The following PAPOLA variants were observed in gnomAD, a reference collection of about 807,000 sequenced individuals.
PAPOLA encodes polynucleotide adenylyltransferase alpha.
PAPOLA carries 15 observed loss-of-function variants against 100.6 expected under a neutral mutation model. That is an observed-to-expected ratio of 0.15 (90% CI 0.10 to 0.23). PAPOLA has a LOEUF of 0.23. Ranked by LOEUF, PAPOLA falls within the 10% of genes least tolerant of loss-of-function variation. PAPOLA has a pLI of 1.00. For synonymous variants in PAPOLA, 293 were observed against 300.0 expected (o/e 0.98, Z 0.24); for missense variants, 533 against 884.2 (o/e 0.60, Z 5.04).
At chr14:96,510,472 C>T (rs1310530156) in intron 1 of PAPOLA, among the ~76,000 whole-genome samples, 1 of 148,082 alleles carries the variant, frequency 6.8e-6, no homozygotes, top group Non-Finnish European at 1.5e-5. Flanking sequence ...AGGGACACAA[C>T]ACACACGCGC....
intron 1 of PAPOLA, among the ~76,000 whole-genome samples, chr14:96,505,837 A>G (rs1055120519): frequency 1.3e-5 from 2 of 152,202 alleles, no homozygotes; most frequent in Admixed American, 6.5e-5. Flanking sequence ...CATAGGAACA[A>G]TCAAGGCAGA....
intron 12 of PAPOLA, among the ~76,000 whole-genome samples, chr14:96,539,087 T>C (rs1399416548): frequency 6.6e-6 from 1 of 152,134 alleles, no homozygotes; most frequent in East Asian, 1.9e-4. Context: ...GAAAACAGTT[T>C]TTTAAATGCC....
chr14:96,511,517 C>T (rs999584917), intron 1 of PAPOLA, among the ~76,000 whole-genome samples: 2 of 152,112 alleles, frequency 1.3e-5, no homozygotes, highest in African/African-American at 2.4e-5. Flanking sequence ...TACGCCTCTC[C>T]TTTCCGATCA....
In PAPOLA at chr14:96,566,022, G is replaced by C. The variant is rs1050728542; in HGVS notation, c.*972G>C. 5.0e-6 allele frequency: 2 copies of C among 396,988 alleles called. No individual in the cohort carries two copies. The highest frequency in any genetic ancestry group is 2.1e-5 in the African/African-American group (1 of 48,552). The allele number at this position is 396,988 out of a possible 1,614,324, so 24.6% of individuals were successfully genotyped here. ...AATTTTGGTCCCATGGCTGAAACTT[G>C]AGGGTGACTAAAAGTAATGCCTGTG... is the stretch of plus-strand genomic sequence containing the variant. On this transcript the variant is annotated 3_prime_UTR_variant, in exon 22 of 22. Transcript: ENST00000216277.
chr14:96,549,518 G>A (rs956320731), intron 16 of PAPOLA, among the ~76,000 whole-genome samples: 1 of 152,104 alleles, frequency 6.6e-6, no homozygotes, highest in Admixed American at 6.5e-5. Context: ...AAAGTGCTGG[G>A]ATTACAGGTG....
intron 7 of PAPOLA, chr14:96,531,826 C>T (rs917635702): frequency 2.8e-6 from 4 of 1,407,548 alleles, no homozygotes; most frequent in Admixed American, 6.6e-5. Flanking sequence ...TTAAAAAGAC[C>T]ATCTGACTTT....
intron 9 of PAPOLA, chr14:96,534,260 G>A: frequency 7.4e-7 from 1 of 1,343,360 alleles, no homozygotes; most frequent in Non-Finnish European, 9.5e-7. Flanking sequence ...GAGTGGCAGA[G>A]AACGTTTTTG....
At chr14:96,527,366 G>A (rs1898579435) in intron 4 of PAPOLA, 64 bp from the exon 5 acceptor site, 2 of 953,670 alleles carry the variant, frequency 2.1e-6, no homozygotes, top group African/African-American at 1.6e-5. Flanking sequence ...ATACTACCAT[G>A]ATAGGATGCA....
chr14:96,541,106 G>T (rs1218538799), intron 12 of PAPOLA, among the ~76,000 whole-genome samples: 1 of 152,104 alleles, frequency 6.6e-6, no homozygotes, highest in Non-Finnish European at 1.5e-5. Context: ...AGCCAGGATG[G>T]TCTCATCTCC....
At chr14:96,532,122 G>C (rs951032485) in intron 7 of PAPOLA, 2 of 1,368,302 alleles carry the variant, frequency 1.5e-6, no homozygotes, top group Non-Finnish European at 9.4e-7. Flanking sequence ...TACAATAGGA[G>C]ATAAATGCTT....
chr14:96,537,110 T>C lies in PAPOLA; in HGVS notation c.1115+50T>C, dbSNP rs769970289. The C allele has an allele frequency of 7.3e-6, 7 of 958,788 alleles. 1 individual carries two copies. Among genetic ancestry groups the C allele is most frequent in the Non-Finnish European group, 1.2e-5 (7 of 583,898 alleles). 59.4% of individuals were successfully genotyped at this position (958,788 alleles called of 1,614,324 possible). On this transcript the variant is annotated intron_variant, in intron 12 of 21. Transcript: ENST00000216277. Reference sequence around the variant, plus strand: ...CATGTTGCTCTCTTAAGTAATGGTTTAATGGTAGCACATTATGACATTTCT... The same window carrying C: ...CATGTTGCTCTCTTAAGTAATGGTTCAATGGTAGCACATTATGACATTTCT...
chr14:96,565,132 C>T lies in PAPOLA; in HGVS notation c.*82C>T. On this transcript the variant is annotated 3_prime_UTR_variant, in exon 22 of 22. Transcript: ENST00000216277. ...TGCTAAAAAAGGAGAATGGAGGGTA[C>T]AAGACTAGACATGACTGAAATGGAT... is the stretch of plus-strand genomic sequence containing the variant. The T allele has an allele frequency of 1.3e-6, 1 of 784,762 alleles. No individual in the cohort carries two copies. Among genetic ancestry groups the T allele is most frequent in the East Asian group, 2.5e-5 (1 of 40,308 alleles). The allele number at this position is 784,762 out of a possible 1,614,324, so 48.6% of individuals were successfully genotyped here.
At chr14:96,525,842 T>G (rs1026928624) in intron 4 of PAPOLA, 1 of 153,412 alleles carries the variant, frequency 6.5e-6, no homozygotes, top group Admixed American at 6.5e-5. Flanking sequence ...GGCTAGTCGT[T>G]ACTGCATTGG....
chr14:96,542,194 C>T (rs1490160785), intron 12 of PAPOLA, 49 bp from the exon 13 acceptor site: 1 of 1,178,132 alleles, frequency 8.5e-7, no homozygotes, highest in Admixed American at 1.8e-5. Flanking sequence ...TAATATCCAG[C>T]ACAAAGCGTG....
intron 1 of PAPOLA, among the ~76,000 whole-genome samples, chr14:96,511,129 A>G (rs571817465): frequency 6.6e-6 from 1 of 152,360 alleles, no homozygotes; most frequent in Admixed American, 6.5e-5. Flanking sequence ...TATCATGCAA[A>G]TAATAAAGTG....
intron 3 of PAPOLA, among the ~76,000 whole-genome samples, chr14:96,523,003 G>C (rs1898128616): frequency 6.6e-6 from 1 of 152,130 alleles, no homozygotes; most frequent in Non-Finnish European, 1.5e-5. Flanking sequence ...GAAATTTATA[G>C]TACTGTTTAC....
At chr14:96,510,892 GATTGT>G (rs1378795697) in intron 1 of PAPOLA, among the ~76,000 whole-genome samples, 1 of 152,324 alleles carries the variant, frequency 6.6e-6, no homozygotes, top group East Asian at 1.9e-4. Context: ...TGAAAAAGGA[GATTGT>G]ATTATTTTGG....
chr14:96,518,937 G>A (rs1013180916), intron 1 of PAPOLA, among the ~76,000 whole-genome samples: 1 of 151,844 alleles, frequency 6.6e-6, no homozygotes, highest in Non-Finnish European at 1.5e-5. Context: ...TGCACCTGTA[G>A]TCCCAGCTAC....
intron 21 of PAPOLA, among the ~76,000 whole-genome samples, chr14:96,564,614 T>C (rs966197905): frequency 6.6e-6 from 1 of 152,102 alleles, no homozygotes; most frequent in Non-Finnish European, 1.5e-5. Flanking sequence ...TTACAGCTAT[T>C]AGTGTTGTAA....
Sources: gnomAD v4.1 joint callset for allele counts (sites outside exome capture counted in the v4.1 genomes callset) on GRCh38, gnomAD v4.1.1 for gene constraint, MANE v1.5 for transcripts, NCBI Gene and HGNC (gene_info 2026-07-23, HGNC 2026-07-21) for gene names.